The following NPAS3 variants were observed in gnomAD, a reference collection of about 807,000 sequenced individuals.
The protein encoded by NPAS3 is neuronal PAS domain protein 3.
A neutral mutation model predicts 73.1 loss-of-function variants in NPAS3; 14 were observed. The ratio of observed to expected loss-of-function variants is 0.19; its 90% CI spans 0.13 to 0.30. The LOEUF is 0.30. Ranked by LOEUF, NPAS3 falls within the 10% of genes least tolerant of loss-of-function variation. The probability of loss-of-function intolerance (pLI) is 1.00; values close to 1 mark genes in which losing one functional copy is unlikely to be tolerated. For synonymous variants in NPAS3, 620 were observed against 541.5 expected (o/e 1.14, Z -2.01); for missense variants, 1,096 against 1,250.0 (o/e 0.88, Z 1.86).
chr14:33,801,008 A>C (rs1022759596), exon 12 of NPAS3: 2 of 1,589,916 alleles, frequency 1.3e-6, no homozygotes, highest in Admixed American at 1.8e-5. Context: ...GCCCGCCGGC[A>C]ACGTGTTCAC....
At chr14:32,976,367 G>A (rs909933777) in intron 1 of NPAS3, among the ~76,000 whole-genome samples, 5 of 152,090 alleles carry the variant, frequency 3.3e-5, no homozygotes, top group Non-Finnish European at 7.4e-5. Flanking sequence ...ATTCAGAAAG[G>A]AAATAATGAA....
chr14:33,704,129 T>C (rs551157589), intron 6 of NPAS3, among the ~76,000 whole-genome samples: 1 of 152,328 alleles, frequency 6.6e-6, no homozygotes, highest in South Asian at 2.1e-4. Context: ...CACTATATTA[T>C]TGCCCATTAC....
intron 4 of NPAS3, among the ~76,000 whole-genome samples, chr14:33,546,763 T>C (rs1411463086): frequency 6.6e-6 from 1 of 152,234 alleles, no homozygotes; most frequent in Non-Finnish European, 1.5e-5. Context: ...ACTTGCACCT[T>C]GCTGAGCTTA....
chr14:33,743,976 G>A (rs779588172), intron 7 of NPAS3, among the ~76,000 whole-genome samples: 2 of 152,190 alleles, frequency 1.3e-5, no homozygotes, highest in African/African-American at 4.8e-5. Flanking sequence ...TTAGGCTTTG[G>A]CATTATGGCT....
At chr14:32,962,058 AAAGG>A (rs1358650237) in intron 1 of NPAS3, among the ~76,000 whole-genome samples, 1 of 152,206 alleles carries the variant, frequency 6.6e-6, no homozygotes, top group African/African-American at 2.4e-5. Flanking sequence ...ATAAGAAAAA[AAAGG>A]AACCTGAATT....
At chr14:33,296,760 G>A (rs868316998) in intron 3 of NPAS3, among the ~76,000 whole-genome samples, 1 of 152,150 alleles carries the variant, frequency 6.6e-6, no homozygotes, top group Non-Finnish European at 1.5e-5. Flanking sequence ...TTTAGATGAC[G>A]GAAATGACAA....
At chr14:33,224,335 C>G (rs543280045) in intron 3 of NPAS3, among the ~76,000 whole-genome samples, 1 of 152,138 alleles carries the variant, frequency 6.6e-6, no homozygotes, top group Non-Finnish European at 1.5e-5. Flanking sequence ...TGAAATTGTA[C>G]TGTGGCTTTA....
chr14:33,389,794 A>G (rs1163079347), intron 4 of NPAS3, among the ~76,000 whole-genome samples: 1 of 152,212 alleles, frequency 6.6e-6, no homozygotes, highest in East Asian at 1.9e-4. Context: ...TTACAAATCA[A>G]ACACAAATTA....
At chr14:33,012,249 A>C (rs2039230670) in intron 1 of NPAS3, among the ~76,000 whole-genome samples, 1 of 152,142 alleles carries the variant, frequency 6.6e-6, no homozygotes, top group South Asian at 2.1e-4. Flanking sequence ...TTCTCTTCTC[A>C]AGTGGTAGGG....
intron 1 of NPAS3, among the ~76,000 whole-genome samples, chr14:32,961,491 A>C (rs1331303998): frequency 6.6e-6 from 1 of 151,910 alleles, no homozygotes; most frequent in Non-Finnish European, 1.5e-5. Flanking sequence ...TGCTGTTTTC[A>C]CACTGAATCT....
chr14:33,000,271 T>C (rs932808151), intron 1 of NPAS3, among the ~76,000 whole-genome samples: 1 of 152,238 alleles, frequency 6.6e-6, no homozygotes, highest in African/African-American at 2.4e-5. Flanking sequence ...AGTAGAGACC[T>C]GTTTTAATGA....
At chr14:33,138,597 A>G (rs531072277) in intron 2 of NPAS3, among the ~76,000 whole-genome samples, 1 of 152,312 alleles carries the variant, frequency 6.6e-6, no homozygotes, top group South Asian at 2.1e-4. Flanking sequence ...GATACAAAAC[A>G]TCTATGTGTT....
intron 5 of NPAS3, among the ~76,000 whole-genome samples, chr14:33,616,091 G>A (rs1206344139): frequency 6.6e-6 from 1 of 152,070 alleles, no homozygotes; most frequent in Non-Finnish European, 1.5e-5. Flanking sequence ...CAACCTCCTG[G>A]GATGAAGATA....
intron 5 of NPAS3, among the ~76,000 whole-genome samples, chr14:33,569,978 C>G (rs1282581565): frequency 1.3e-5 from 2 of 152,088 alleles, no homozygotes; most frequent in Admixed American, 6.6e-5. Context: ...GGCTAAAAAC[C>G]TGCCAGATGA....
chr14:33,607,656 A>G (rs2057617085), intron 5 of NPAS3, among the ~76,000 whole-genome samples: 1 of 152,212 alleles, frequency 6.6e-6, no homozygotes, highest in East Asian at 1.9e-4. Flanking sequence ...AAATATATGC[A>G]GCTTATTCTT....
At chr14:33,117,013 T>C (rs2043087285) in intron 2 of NPAS3, among the ~76,000 whole-genome samples, 1 of 152,158 alleles carries the variant, frequency 6.6e-6, no homozygotes, top group Non-Finnish European at 1.5e-5. Context: ...ACATGTTCTT[T>C]CTTTATAATT....
At chr14:33,183,421 GTTTTTTTTTTTTT>G (rs55643715) in intron 2 of NPAS3, among the ~76,000 whole-genome samples, 915 of 60,752 alleles carry the variant, frequency 0.015, 8 homozygotes, top group Middle Eastern at 0.029. Flanking sequence ...GTGAGACTCT[GTTTTTTTTTTTTT>G]TTTTTTTTTT....
At chr14:33,384,366 GTAT>G in intron 4 of NPAS3, among the ~76,000 whole-genome samples, 1 of 151,030 alleles carries the variant, frequency 6.6e-6, no homozygotes, top group African/African-American at 2.4e-5. Context: ...TATTCACACA[GTAT>G]TATTTTAATG....
chr14:33,401,708 T>C (rs950711152), intron 4 of NPAS3, among the ~76,000 whole-genome samples: 13 of 152,160 alleles, frequency 8.5e-5, no homozygotes, highest in African/African-American at 3.1e-4. Context: ...ATTCATTTTA[T>C]TACCATTACA....
Sources: allele counts gnomAD v4.1 joint callset (sites outside exome capture counted in the v4.1 genomes callset), GRCh38; gene constraint gnomAD v4.1.1; transcripts MANE v1.5; gene names NCBI Gene and HGNC (gene_info 2026-07-23, HGNC 2026-07-21).